The following UTRN variants were observed in gnomAD, a reference collection of about 807,000 sequenced individuals.
UTRN encodes dystrophin-related protein 1.
In UTRN, 283 loss-of-function variants were observed where a neutral mutation model predicts 463.9. The ratio of observed to expected loss-of-function variants is 0.61; its 90% CI spans 0.55 to 0.67. The LOEUF is 0.67. Ranked by LOEUF, UTRN falls within the 30% of genes least tolerant of loss-of-function variation. The probability of loss-of-function intolerance (pLI) is 0.00; values close to 1 mark genes in which losing one functional copy is unlikely to be tolerated. For missense variants in UTRN, 3,922 were observed against 4,084.3 expected (o/e 0.96, Z 1.08); for synonymous variants, 1,442 against 1,431.5 (o/e 1.01, Z -0.17).
chr6:144,844,106 C>T (rs1401255422), intron 73 of UTRN, among the ~76,000 whole-genome samples: 5 of 152,234 alleles, frequency 3.3e-5, no homozygotes, highest in African/African-American at 9.6e-5. Context: ...ATATACAAGA[C>T]AGGGACAGCT....
intron 51 of UTRN, among the ~76,000 whole-genome samples, chr6:144,667,647 T>C (rs959764541): frequency 6.6e-6 from 1 of 152,334 alleles, no homozygotes; most frequent in East Asian, 1.9e-4. Context: ...TATGTCTCTT[T>C]AGAGGTCTTA....
intron 65 of UTRN, among the ~76,000 whole-genome samples, chr6:144,805,782 A>G (rs1211783872): frequency 2.0e-5 from 3 of 152,162 alleles, no homozygotes; most frequent in African/African-American, 4.8e-5. Flanking sequence ...GCCCTGTACA[A>G]CTGCATAAGT....
chr6:144,822,119 A>C (rs1209255465), intron 66 of UTRN, among the ~76,000 whole-genome samples: 1 of 152,134 alleles, frequency 6.6e-6, no homozygotes, highest in Non-Finnish European at 1.5e-5. Flanking sequence ...ATCAGGAAGT[A>C]GTAATATTTT....
chr6:144,462,407 T>C (rs1172838205), intron 22 of UTRN, among the ~76,000 whole-genome samples: 1 of 152,214 alleles, frequency 6.6e-6, no homozygotes, highest in Admixed American at 6.5e-5. Flanking sequence ...ATGATTTGTA[T>C]TCCTTTGGGT....
At position 144,510,935 on chromosome 6, in the gene UTRN, A is replaced by T. The variant is rs778557434; in HGVS notation, c.4765-9A>T. On this transcript the variant is annotated splice_polypyrimidine_tract_variant and intron_variant, in intron 34 of 74. Coordinates refer to ENST00000367545, the MANE Select transcript of UTRN (RefSeq NM_007124.3). Reference sequence around the variant, plus strand: ...GCATCAAGTAGGTCTTGGTGTTTTTATTTTCTAGAATGTTCTGAAGGATCT... The same window carrying T: ...GCATCAAGTAGGTCTTGGTGTTTTTTTTTTCTAGAATGTTCTGAAGGATCT... The T allele has an allele frequency of 6.5e-7, 1 of 1,548,138 alleles. No individual in the cohort carries two copies. The highest frequency in any genetic ancestry group is 8.8e-7 in the Non-Finnish European group (1 of 1,142,186).
intron 17 of UTRN, 138 bp from the exon 18 acceptor site, chr6:144,451,232 A>T: frequency 1.3e-6 from 1 of 787,614 alleles, no homozygotes; most frequent in Non-Finnish European, 1.9e-6. Flanking sequence ...TTGCATGGTT[A>T]CCCTATTTCT....
chr6:144,337,693 C>T (rs1776840781), intron 2 of UTRN, among the ~76,000 whole-genome samples: 2 of 152,184 alleles, frequency 1.3e-5, no homozygotes, highest in South Asian at 4.1e-4. Flanking sequence ...CAGCCCACTG[C>T]AACCTCTGCC....
chr6:144,798,431 G>A (rs2080654771), intron 64 of UTRN, among the ~76,000 whole-genome samples: 1 of 152,150 alleles, frequency 6.6e-6, no homozygotes, highest in Non-Finnish European at 1.5e-5. Context: ...CAAGTTTGAT[G>A]TGAAGTACAT....
In UTRN at chr6:144,768,417, A is replaced by G. The variant is rs75751046; in HGVS notation, c.8496-3490A>G. 4.9e-3 allele frequency among the ~76,000 whole-genome samples: 752 copies of G among 152,302 alleles called. 4 individuals are homozygous for G. The highest frequency in any genetic ancestry group is 7.1e-3 in the Non-Finnish European group (484 of 68,024). ...CAGGATGCTGATATGTAATTCCTGT[A>G]TACAGTCTAGTATAAAGCAGGATTT... On this transcript the variant is annotated intron_variant, in intron 58 of 74. Coordinates refer to ENST00000367545, the MANE Select transcript of UTRN (RefSeq NM_007124.3).
chr6:144,591,042 G>C (rs749437095), intron 51 of UTRN, among the ~76,000 whole-genome samples: 3 of 151,908 alleles, frequency 2.0e-5, no homozygotes, highest in Non-Finnish European at 4.4e-5. Flanking sequence ...GATTGAGTGT[G>C]GATCAAATGA....
intron 50 of UTRN, among the ~76,000 whole-genome samples, chr6:144,561,102 A>G (rs1799823639): frequency 6.7e-6 from 1 of 149,554 alleles, no homozygotes; most frequent in African/African-American, 2.5e-5. Flanking sequence ...TGAGATAGTG[A>G]TTGTTGAAAT....
intron 58 of UTRN, 196 bp downstream of exon 58, chr6:144,758,185 T>TC: frequency 2.2e-6 from 1 of 445,060 alleles, no homozygotes; most frequent in South Asian, 4.3e-5. Flanking sequence ...ATTAGGGATA[T>TC]AGGTGTGTTT....
At chr6:144,840,593 T>G (rs967308134) in intron 72 of UTRN, 147 bp from the exon 73 acceptor site, 16 of 802,196 alleles carry the variant, frequency 2.0e-5, no homozygotes, top group Admixed American at 8.6e-5. Flanking sequence ...TTGGGTATAT[T>G]CCCCTAAAAT....
At chr6:144,465,080 A>C (rs536653543) in intron 23 of UTRN, among the ~76,000 whole-genome samples, 1 of 152,328 alleles carries the variant, frequency 6.6e-6, no homozygotes, top group African/African-American at 2.4e-5. Context: ...ACAGCCTCAC[A>C]ACAAAATAAT....
At chr6:144,792,767 T>C (rs1487927753) in intron 62 of UTRN, among the ~76,000 whole-genome samples, 4 of 152,224 alleles carry the variant, frequency 2.6e-5, no homozygotes, top group African/African-American at 4.8e-5. Flanking sequence ...TTGTTTGTAT[T>C]TGAAATTTCT....
In UTRN at chr6:144,459,205, C is replaced by A; in HGVS notation, c.2558C>A (p.Pro853His). ...TTGACAAATCTTCTTGGCCTTCACC[C>A]CAAAATTGAAATGGCTCGTGCAAGC... is the stretch of plus-strand genomic sequence containing the variant. ...RELTNLLGLHPKIEMARASCS... is the reference protein window; with the variant it reads ...RELTNLLGLHHKIEMARASCS... Residue 853 changes from proline (P) to histidine (H), a missense_variant, in exon 21 of 75, where the codon CCC (proline) becomes CAC (histidine). Physicochemically the swap from Pro to His is moderately conservative, Grantham distance 77. Coordinates refer to ENST00000367545, the MANE Select transcript of UTRN (RefSeq NM_007124.3). The A allele has an allele frequency of 6.2e-7, 1 of 1,613,198 alleles. No individual in the cohort carries two copies. The highest frequency in any genetic ancestry group is 8.5e-7 in the Non-Finnish European group (1 of 1,179,718).
intron 69 of UTRN, 63 bp from the exon 70 acceptor site, chr6:144,835,717 T>A: frequency 6.3e-7 from 1 of 1,595,640 alleles, no homozygotes; most frequent in Non-Finnish European, 8.5e-7. Context: ...TCTACTTCCT[T>A]TATGTCCAAA....
At chr6:144,498,134 G>A (rs1393439908) in intron 33 of UTRN, among the ~76,000 whole-genome samples, 1 of 152,216 alleles carries the variant, frequency 6.6e-6, no homozygotes, top group Non-Finnish European at 1.5e-5. Context: ...ATATTAATTA[G>A]ATCAGTTGCC....
intron 3 of UTRN, among the ~76,000 whole-genome samples, chr6:144,418,503 G>A (rs542242079): frequency 1.2e-4 from 18 of 151,172 alleles, no homozygotes; most frequent in African/African-American, 2.7e-4. Flanking sequence ...GATTACAGGC[G>A]TGAGCCATCG....
Sources: gnomAD v4.1 joint callset for allele counts (sites outside exome capture counted in the v4.1 genomes callset) on GRCh38, gnomAD v4.1.1 for gene constraint, MANE v1.5 for transcripts, NCBI Gene and HGNC (gene_info 2026-07-23, HGNC 2026-07-21) for gene names.